GALNT17: variants seen among roughly 807,000 people sequenced by gnomAD.
The protein encoded by GALNT17 is polypeptide N-acetylgalactosaminyltransferase 17.
Under a neutral mutation model 63.7 loss-of-function variants are expected in GALNT17, and 29 were observed. That is an observed-to-expected ratio of 0.46 (90% CI 0.34 to 0.62). The LOEUF (loss-of-function observed/expected upper bound fraction) is 0.62. Ranked by LOEUF, GALNT17 falls within the 20% of genes least tolerant of loss-of-function variation. The pLI, the probability that GALNT17 is intolerant of heterozygous loss-of-function variation, is 0.01. For synonymous variants in GALNT17, 305 were observed against 318.3 expected, an observed-to-expected ratio of 0.96 and a Z score of 0.45; for missense variants, 603 against 799.6, an observed-to-expected ratio of 0.75 and a Z score of 2.97.
At chr7:71,600,545 A>G (rs1789952084) in intron 6 of GALNT17, among the ~76,000 whole-genome samples, 1 of 152,044 alleles carries the variant, frequency 6.6e-6, no homozygotes, top group South Asian at 2.1e-4. Flanking sequence ...AGCTGCTCTT[A>G]TTTATCTCCA....
intron 10 of GALNT17, 46 bp downstream of exon 10, chr7:71,710,974 G>A: frequency 6.3e-7 from 1 of 1,597,790 alleles, no homozygotes; most frequent in Non-Finnish European, 8.5e-7. Flanking sequence ...AGCTGCAAGA[G>A]GCTGCAGACC....
At chr7:71,649,092 A>C (rs79854666) in intron 6 of GALNT17, among the ~76,000 whole-genome samples, 1,622 of 152,062 alleles carry the variant, frequency 0.011, 32 homozygotes, top group African/African-American at 0.037. Context: ...ATCTCTCTCC[A>C]TTTGCCAGCC....
chr7:71,254,803 T>G (rs1180700759), intron 1 of GALNT17, among the ~76,000 whole-genome samples: 1 of 152,182 alleles, frequency 6.6e-6, no homozygotes, highest in Non-Finnish European at 1.5e-5. Flanking sequence ...TTGCTCCAAG[T>G]CACCCAGCAA....
chr7:71,381,690 A>G (rs559672100), intron 2 of GALNT17, among the ~76,000 whole-genome samples: 10 of 151,968 alleles, frequency 6.6e-5, no homozygotes, highest in African/African-American at 2.4e-4. Flanking sequence ...GAGGCAGGAG[A>G]ATTGTTTGAA....
At chr7:71,472,664 G>A (rs1159902174) in intron 5 of GALNT17, among the ~76,000 whole-genome samples, 4 of 152,134 alleles carry the variant, frequency 2.6e-5, no homozygotes, top group African/African-American at 9.7e-5. Flanking sequence ...CCAGCCTGGG[G>A]ACAGAGTGAG....
chr7:71,279,780 G>A (rs1790747600), intron 1 of GALNT17, among the ~76,000 whole-genome samples: 1 of 150,146 alleles, frequency 6.7e-6, no homozygotes, highest in East Asian at 1.9e-4. Context: ...GCGAAATGGG[G>A]GGCAAACTAG....
chr7:71,345,025 A>AT (rs72578103), intron 2 of GALNT17, among the ~76,000 whole-genome samples: 2 of 130,450 alleles, frequency 1.5e-5, no homozygotes, highest in Non-Finnish European at 3.5e-5. Flanking sequence ...ACCACAGGAC[A>AT]TAATCTGTCT....
At chr7:71,559,456 C>T (rs1449224103) in intron 5 of GALNT17, among the ~76,000 whole-genome samples, 1 of 152,106 alleles carries the variant, frequency 6.6e-6, no homozygotes, top group Non-Finnish European at 1.5e-5. Context: ...GCCCTTAGTT[C>T]TGCACTTATT....
chr7:71,255,452 C>T (rs1055203471), intron 1 of GALNT17, among the ~76,000 whole-genome samples: 1 of 152,154 alleles, frequency 6.6e-6, no homozygotes, highest in Non-Finnish European at 1.5e-5. Context: ...TTGTAAATTG[C>T]CCAGTCTTGG....
chr7:71,435,276 A>G (rs938939330), intron 5 of GALNT17, among the ~76,000 whole-genome samples: 2 of 152,194 alleles, frequency 1.3e-5, no homozygotes, highest in African/African-American at 2.4e-5. Context: ...TCTTCCTTCT[A>G]ACCTTTAACC....
chr7:71,449,472 A>AT (rs1173630632), intron 5 of GALNT17, among the ~76,000 whole-genome samples: 3 of 151,938 alleles, frequency 2.0e-5, no homozygotes, highest in African/African-American at 7.3e-5. Flanking sequence ...TTATATGTAT[A>AT]TTTTTTACCT....
intron 5 of GALNT17, among the ~76,000 whole-genome samples, chr7:71,565,082 C>G (rs1156734810): frequency 1.3e-5 from 2 of 152,166 alleles, no homozygotes; most frequent in African/African-American, 4.8e-5. Flanking sequence ...GCCTGGCCAA[C>G]ATGGTGCAAC....
chr7:71,689,183 G>A (rs542666491), intron 9 of GALNT17, among the ~76,000 whole-genome samples: 15 of 151,860 alleles, frequency 9.9e-5, no homozygotes, highest in African/African-American at 7.3e-5. Context: ...CCCAATTCTC[G>A]GGCCTTTCTA....
At chr7:71,690,935 G>A (rs1216064912) in intron 9 of GALNT17, among the ~76,000 whole-genome samples, 5 of 152,194 alleles carry the variant, frequency 3.3e-5, no homozygotes, top group Middle Eastern at 3.2e-3. Flanking sequence ...TGGGGATGTT[G>A]TGAATATTGT....
intron 6 of GALNT17, among the ~76,000 whole-genome samples, chr7:71,585,304 C>T (rs926808657): frequency 2.6e-5 from 4 of 152,158 alleles, no homozygotes; most frequent in African/African-American, 9.7e-5. Context: ...TAAAGCTCCC[C>T]ATCAATCTTT....
chr7:71,615,266 C>T (rs937081529), intron 6 of GALNT17, among the ~76,000 whole-genome samples: 2 of 152,058 alleles, frequency 1.3e-5, no homozygotes, highest in Non-Finnish European at 2.9e-5. Flanking sequence ...GGACTTTATC[C>T]AGACTGGCTT....
intron 1 of GALNT17, among the ~76,000 whole-genome samples, chr7:71,327,488 A>G (rs1403958482): frequency 6.6e-6 from 1 of 152,122 alleles, no homozygotes; most frequent in Non-Finnish European, 1.5e-5. Flanking sequence ...TCCCTCCCAC[A>G]ACATGTGGGA....
At position 71,426,096 on chromosome 7, in the gene GALNT17, A is replaced by C. The variant is rs555055966; in HGVS notation, c.962+4991A>C. ...ATGCATTCATGAAGGATCCACCCTC[A>C]TGATCCAATCACCTCCCACCAGGCC... is the stretch of plus-strand genomic sequence containing the variant. On this transcript the variant is annotated intron_variant, in intron 5 of 10. Coordinates refer to ENST00000333538, the MANE Select transcript of GALNT17 (RefSeq NM_022479.3). 5.3e-5 allele frequency among the ~76,000 whole-genome samples: 8 copies of C among 152,334 alleles called. No individual in the cohort carries two copies. The East Asian group carries it at 1.5e-3, about 29-fold the overall frequency.
intron 3 of GALNT17, among the ~76,000 whole-genome samples, chr7:71,390,399 C>T (rs1485017190): frequency 6.6e-6 from 1 of 152,164 alleles, no homozygotes; most frequent in Non-Finnish European, 1.5e-5. Flanking sequence ...TTTGCCTTCT[C>T]TGGGACCTCT....
Sources: gnomAD v4.1 joint callset for allele counts (sites outside exome capture counted in the v4.1 genomes callset) on GRCh38, gnomAD v4.1.1 for gene constraint, MANE v1.5 for transcripts, NCBI Gene and HGNC (gene_info 2026-07-23, HGNC 2026-07-21) for gene names.